Variants in PDE4D observed in about 807,000 individuals in gnomAD.
PDE4D encodes 3',5'-cyclic-AMP phosphodiesterase 4D.
PDE4D carries 24 observed loss-of-function variants against 87.4 expected under a neutral mutation model. The observed-to-expected ratio is 0.27, with a 90% confidence interval of 0.20 to 0.39. The LOEUF (loss-of-function observed/expected upper bound fraction) is 0.39, where lower values mean the gene tolerates loss of function less well. Ranked by LOEUF, PDE4D falls within the 10% of genes least tolerant of loss-of-function variation. The pLI, the probability that PDE4D is intolerant of heterozygous loss-of-function variation, is 1.00. For missense variants in PDE4D, 714 were observed against 1,041.0 expected, an observed-to-expected ratio of 0.69 and a Z score of 4.32; for synonymous variants, 384 against 383.2, an observed-to-expected ratio of 1.00 and a Z score of -0.02.
At chr5:60,211,881 T>A (rs1294564829) in intron 1 of PDE4D, among the ~76,000 whole-genome samples, 1 of 152,122 alleles carries the variant, frequency 6.6e-6, no homozygotes. Flanking sequence ...TCTTAAAATA[T>A]TTCCTGAGCA....
intron 1 of PDE4D, among the ~76,000 whole-genome samples, chr5:60,365,652 G>A (rs948020487): frequency 6.6e-6 from 1 of 151,906 alleles, no homozygotes; most frequent in Non-Finnish European, 1.5e-5. Flanking sequence ...AGGCACTCTT[G>A]TACCAAGGGC....
chr5:60,093,911 A>G (rs1021736928), intron 2 of PDE4D, among the ~76,000 whole-genome samples: 6 of 152,202 alleles, frequency 3.9e-5, no homozygotes, highest in African/African-American at 1.4e-4. Flanking sequence ...ACCAACAATT[A>G]TCTATGGATG....
intron 1 of PDE4D, among the ~76,000 whole-genome samples, chr5:59,387,952 C>G (rs1314589470): frequency 6.6e-6 from 1 of 151,956 alleles, no homozygotes; most frequent in Non-Finnish European, 1.5e-5. Context: ...AGTCTTCAGC[C>G]CCCACCCATC....
At chr5:59,276,200 G>C (rs1764791315) in intron 1 of PDE4D, 1 of 924,334 alleles carries the variant, frequency 1.1e-6, no homozygotes, top group African/African-American at 1.8e-5. Context: ...AAAGCAAAGG[G>C]GCGGATCAGC....
chr5:59,929,920 T>C (rs1755704340), intron 3 of PDE4D, among the ~76,000 whole-genome samples: 1 of 151,974 alleles, frequency 6.6e-6, no homozygotes, highest in Non-Finnish European at 1.5e-5. Flanking sequence ...CACGTAGTCT[T>C]GAAAAAATGT....
intron 2 of PDE4D, among the ~76,000 whole-genome samples, chr5:60,166,240 G>A (rs1357338167): frequency 1.3e-5 from 2 of 152,138 alleles, no homozygotes. Flanking sequence ...GACTACAGGC[G>A]CCCGCCACCA....
intron 1 of PDE4D, among the ~76,000 whole-genome samples, chr5:59,662,595 G>T (rs1745433747): frequency 6.6e-6 from 1 of 152,132 alleles, no homozygotes; most frequent in South Asian, 2.1e-4. Flanking sequence ...TCTTAAAAAA[G>T]TTACATAAAT....
At chr5:59,367,985 T>C (rs1396675737) in intron 1 of PDE4D, among the ~76,000 whole-genome samples, 1 of 152,218 alleles carries the variant, frequency 6.6e-6, no homozygotes, top group Non-Finnish European at 1.5e-5. Context: ...CGCCCTCTTG[T>C]GAAGAGAGGT....
At chr5:60,105,416 G>C (rs1407408087) in intron 2 of PDE4D, among the ~76,000 whole-genome samples, 2 of 152,160 alleles carry the variant, frequency 1.3e-5, no homozygotes, top group Non-Finnish European at 2.9e-5. Flanking sequence ...GGGGAGAATG[G>C]AACCAAGTTG....
At chr5:59,289,747 T>C (rs1767661085) in intron 1 of PDE4D, among the ~76,000 whole-genome samples, 1 of 152,062 alleles carries the variant, frequency 6.6e-6, no homozygotes, top group Non-Finnish European at 1.5e-5. Flanking sequence ...TTATCCCATT[T>C]GCAGAAAATA....
intron 2 of PDE4D, among the ~76,000 whole-genome samples, chr5:60,083,542 AATC>A (rs1774206444): frequency 6.6e-6 from 1 of 152,262 alleles, no homozygotes; most frequent in Non-Finnish European, 1.5e-5. Flanking sequence ...CATCAGATGT[AATC>A]ATCAAGGAAG....
chr5:59,033,221 TTTG>T, intron 6 of PDE4D, among the ~76,000 whole-genome samples: 1 of 152,220 alleles, frequency 6.6e-6, no homozygotes, highest in Non-Finnish European at 1.5e-5. Context: ...AGCAGAATTG[TTTG>T]TTGTTTAAGC....
intron 1 of PDE4D, among the ~76,000 whole-genome samples, chr5:60,363,102 A>C (rs1760219094): frequency 6.6e-6 from 1 of 152,146 alleles, no homozygotes; most frequent in Non-Finnish European, 1.5e-5. Context: ...CTCAAAGCAA[A>C]CTAGAAGTTC....
At chr5:59,830,565 T>C (rs571893348) in intron 1 of PDE4D, among the ~76,000 whole-genome samples, 22 of 152,104 alleles carry the variant, frequency 1.4e-4, no homozygotes, top group Non-Finnish European at 2.6e-4. Context: ...ATATCTTTGT[T>C]ATTGTCATCA....
At position 59,182,309 on chromosome 5, in the gene PDE4D, G is replaced by A. The variant is rs539109003; in HGVS notation, c.759-1665C>T. ...GTCTCACTCTGTTGCTCAGGCTGGA[G>A]TGCAGTGGTGTGATCATAGCTCACT... On this transcript the variant is annotated intron_variant, in intron 4 of 14. Transcript: ENST00000340635. 6.6e-5 allele frequency among the ~76,000 whole-genome samples: 10 copies of A among 151,516 alleles called. No individual in the cohort carries two copies. The South Asian group carries it at 1.9e-3, about 28-fold the overall frequency.
At chr5:59,428,470 G>A (rs1315815519) in intron 1 of PDE4D, among the ~76,000 whole-genome samples, 1 of 150,994 alleles carries the variant, frequency 6.6e-6, no homozygotes, top group African/African-American at 2.4e-5. Context: ...TTTTCTTTCT[G>A]CCAAAAACCA....
At chr5:59,440,459 T>C (rs1429456432) in intron 1 of PDE4D, among the ~76,000 whole-genome samples, 2 of 152,204 alleles carry the variant, frequency 1.3e-5, no homozygotes, top group Non-Finnish European at 2.9e-5. Context: ...ATTTACTTGG[T>C]GCCATCAAGC....
chr5:60,171,204 G>A (rs183066390), intron 2 of PDE4D, among the ~76,000 whole-genome samples: 52 of 152,150 alleles, frequency 3.4e-4, no homozygotes, highest in African/African-American at 1.1e-3. Context: ...TGGCTCCTTT[G>A]TAAATGCAAG....
At chr5:59,417,650 T>G (rs79555574) in intron 1 of PDE4D, among the ~76,000 whole-genome samples, 1,527 of 152,210 alleles carry the variant, frequency 0.01, 30 homozygotes, top group African/African-American at 0.035. Context: ...GACAGAGTAC[T>G]AGTACTATTT....
Sources: gnomAD v4.1 joint callset for allele counts (sites outside exome capture counted in the v4.1 genomes callset) on GRCh38, gnomAD v4.1.1 for gene constraint, MANE v1.5 for transcripts, NCBI Gene and HGNC (gene_info 2026-07-23, HGNC 2026-07-21) for gene names.